The following AUTS2 variants were observed in gnomAD, a reference collection of about 807,000 sequenced individuals.
The protein encoded by AUTS2 is activator of transcription and developmental regulator AUTS2, also known as autism susceptibility gene 2 protein.
A neutral mutation model predicts 112.4 loss-of-function variants in AUTS2; 17 were observed. The ratio of observed to expected loss-of-function variants is 0.15; its 90% confidence interval spans 0.10 to 0.23. The LOEUF (loss-of-function observed/expected upper bound fraction) is 0.23. AUTS2 is among the 10% of genes least tolerant of loss of function. AUTS2 has a pLI of 1.00. For missense variants in AUTS2, 1,510 were observed against 1,701.6 expected, an observed-to-expected ratio of 0.89 and a Z score of 1.98; for synonymous variants, 751 against 702.7, an observed-to-expected ratio of 1.07 and a Z score of -1.09.
chr7:70,230,094 T>C (rs1352439785), intron 4 of AUTS2, among the ~76,000 whole-genome samples: 1 of 152,126 alleles, frequency 6.6e-6, no homozygotes, highest in African/African-American at 2.4e-5. Flanking sequence ...CTATTGACTT[T>C]TTTTTCCTTT....
At chr7:70,389,445 A>G (rs1343227483) in intron 4 of AUTS2, among the ~76,000 whole-genome samples, 1 of 152,208 alleles carries the variant, frequency 6.6e-6, no homozygotes, top group South Asian at 2.1e-4. Flanking sequence ...TATTATGGCC[A>G]TGGTAGGCAA....
chr7:70,170,989 A>G (rs905781425), intron 4 of AUTS2, among the ~76,000 whole-genome samples: 4 of 152,184 alleles, frequency 2.6e-5, no homozygotes, highest in African/African-American at 9.7e-5. Context: ...AAGTAAAAAC[A>G]TAGTCTTTAG....
At chr7:69,867,504 G>C (rs1793288004) in intron 1 of AUTS2, among the ~76,000 whole-genome samples, 1 of 152,122 alleles carries the variant, frequency 6.6e-6, no homozygotes, top group African/African-American at 2.4e-5. Context: ...TTTAAAATAT[G>C]GTCGTGAATA....
chr7:70,134,406 G>A lies in AUTS2; in HGVS notation c.625-130G>A, dbSNP rs982831657. The A allele has an allele frequency of 3.6e-5, 26 of 718,660 alleles. No homozygotes were observed. The Middle Eastern group carries it at 7.3e-4, about 20-fold the overall frequency. 44.5% of individuals were successfully genotyped at this position (718,660 alleles called of 1,614,324 possible). On this transcript the variant is annotated intron_variant, in intron 3 of 18. Coordinates refer to ENST00000342771, the MANE Select transcript of AUTS2 (RefSeq NM_015570.4). ...TGTTTGTATCAGTAGCAGATGACAA[G>A]GGGCAGCATACACTGGTGATGTGAT...
At chr7:69,656,210 A>G (rs1416549390) in intron 1 of AUTS2, among the ~76,000 whole-genome samples, 1 of 152,182 alleles carries the variant, frequency 6.6e-6, no homozygotes, top group Non-Finnish European at 1.5e-5. Flanking sequence ...CACAACAGTG[A>G]CATAGCTTCA....
At chr7:70,540,084 A>G (rs1800488064) in intron 5 of AUTS2, among the ~76,000 whole-genome samples, 1 of 151,956 alleles carries the variant, frequency 6.6e-6, no homozygotes, top group African/African-American at 2.4e-5. Context: ...CCATAGCCTC[A>G]GGGAAAAGGA....
chr7:70,282,212 C>T (rs891782860), intron 4 of AUTS2, among the ~76,000 whole-genome samples: 38 of 152,200 alleles, frequency 2.5e-4, no homozygotes, highest in African/African-American at 8.4e-4. Flanking sequence ...TAGCATGCAC[C>T]TCAAAACTCT....
intron 5 of AUTS2, among the ~76,000 whole-genome samples, chr7:70,460,414 G>A (rs1220362545): frequency 4.6e-5 from 6 of 130,732 alleles, no homozygotes; most frequent in South Asian, 2.6e-4. Context: ...GCAATGGCAC[G>A]ATCTTGGCTC....
At chr7:70,151,089 T>G (rs1169834948) in intron 4 of AUTS2, among the ~76,000 whole-genome samples, 1 of 152,100 alleles carries the variant, frequency 6.6e-6, no homozygotes, top group African/African-American at 2.4e-5. Flanking sequence ...TCAGTAGACT[T>G]TCTGCATTAG....
intron 4 of AUTS2, among the ~76,000 whole-genome samples, chr7:70,328,640 C>A (rs543562068): frequency 1.3e-5 from 2 of 152,196 alleles, no homozygotes; most frequent in Admixed American, 6.5e-5. Context: ...ACCTTACTCT[C>A]AAGAAGTTTC....
intron 2 of AUTS2, among the ~76,000 whole-genome samples, chr7:69,944,883 C>G (rs1339035138): frequency 6.6e-6 from 1 of 152,112 alleles, no homozygotes; most frequent in Non-Finnish European, 1.5e-5. Flanking sequence ...ATGAAAGGGT[C>G]AGATAGATTT....
At chr7:70,462,183 C>T (rs1336646076) in intron 5 of AUTS2, among the ~76,000 whole-genome samples, 1 of 151,914 alleles carries the variant, frequency 6.6e-6, no homozygotes, top group Admixed American at 6.6e-5. Context: ...ACCTGGATGG[C>T]GGAGGTTGCA....
At chr7:70,558,328 G>C (rs1370858501) in intron 5 of AUTS2, among the ~76,000 whole-genome samples, 1 of 152,162 alleles carries the variant, frequency 6.6e-6, no homozygotes, top group African/African-American at 2.4e-5. Context: ...GGCAAGAAAA[G>C]ACCAAACTGT....
chr7:70,747,578 C>T (rs1788534909), intron 6 of AUTS2, among the ~76,000 whole-genome samples: 1 of 152,160 alleles, frequency 6.6e-6, no homozygotes, highest in African/African-American at 2.4e-5. Flanking sequence ...GCTGCCTCAG[C>T]CTCCTCAGTA....
rs1183853158 is a variant in AUTS2, at chr7:70,578,076, C to T, written c.691-120493C>T. On this transcript the variant is annotated intron_variant, in intron 5 of 18. Transcript: ENST00000342771. ...CAGTCTCCTGAACTTGTGATCTGCC[C>T]GCCTCGGCCTCTCAAAGTGCTGGGA... Among the ~76,000 whole-genome samples the T allele has an allele frequency of 2.6e-5, 4 of 152,204 alleles. 1 individual carries two copies. The South Asian group carries it at 8.3e-4, about 32-fold the overall frequency.
intron 5 of AUTS2, among the ~76,000 whole-genome samples, chr7:70,611,657 C>G (rs979138762): frequency 5.3e-5 from 8 of 152,216 alleles, no homozygotes; most frequent in African/African-American, 1.9e-4. Flanking sequence ...GAAGCCGCTT[C>G]TTATAGCAAG....
At chr7:70,683,359 C>A (rs575885654) in intron 5 of AUTS2, among the ~76,000 whole-genome samples, 2 of 152,294 alleles carry the variant, frequency 1.3e-5, no homozygotes, top group South Asian at 4.1e-4. Flanking sequence ...CTGACCACTG[C>A]GTATCAACCC....
At chr7:70,424,589 C>G (rs575285673) in intron 4 of AUTS2, among the ~76,000 whole-genome samples, 9 of 151,892 alleles carry the variant, frequency 5.9e-5, no homozygotes, top group South Asian at 4.2e-4. Context: ...TTGTTTGTTT[C>G]TTTGTTTGTT....
chr7:70,440,021 C>G (rs1052863274), intron 5 of AUTS2, among the ~76,000 whole-genome samples: 11 of 152,090 alleles, frequency 7.2e-5, no homozygotes, highest in Non-Finnish European at 1.5e-5. Context: ...GTGGACAAGC[C>G]TTGGCTTTCT....
Sources: gnomAD v4.1 joint callset for allele counts (sites outside exome capture counted in the v4.1 genomes callset) on GRCh38, gnomAD v4.1.1 for gene constraint, MANE v1.5 for transcripts, NCBI Gene and HGNC (gene_info 2026-07-23, HGNC 2026-07-21) for gene names.